The following ZNF536 variants were observed in gnomAD, a reference collection of about 807,000 sequenced individuals.
ZNF536 encodes zinc finger protein 536.
A neutral mutation model predicts 84.5 loss-of-function variants in ZNF536; 13 were observed. That is an observed-to-expected ratio of 0.15 (90% CI 0.10 to 0.24). The LOEUF (loss-of-function observed/expected upper bound fraction) is 0.24, where lower values mean the gene tolerates loss of function less well. ZNF536 is among the 10% of genes least tolerant of loss of function. The pLI is 1.00. For synonymous variants in ZNF536, 811 were observed against 742.5 expected, an observed-to-expected ratio of 1.09 and a Z score of -1.50; for missense variants, 1,536 against 1,747.5, an observed-to-expected ratio of 0.88 and a Z score of 2.16.
chr19:30,441,660 C>T (rs1432703107), intron 1 of ZNF536, among the ~76,000 whole-genome samples: 1 of 152,170 alleles, frequency 6.6e-6, no homozygotes, highest in Non-Finnish European at 1.5e-5. Flanking sequence ...TGAGTGTAGA[C>T]TGCCCCCAGA....
In ZNF536 at chr19:30,646,356, G is replaced by A. The variant is rs550964616; in HGVS notation, c.170-64401G>A. Reference sequence around the variant, plus strand: ...TCTGGGGAAAGAAGCTTGAGCCTGCGCACACATGTTCACGACTGTGTGTAC... The same window carrying A: ...TCTGGGGAAAGAAGCTTGAGCCTGCACACACATGTTCACGACTGTGTGTAC... On this transcript the variant is annotated intron_variant, in intron 1 of 1. Coordinates refer to the ZNF536 transcript ENST00000592773. Among the ~76,000 whole-genome samples, 11 of 152,296 alleles carry A rather than the reference G, an allele frequency of 7.2e-5. No individual in the cohort carries two copies. The South Asian group carries it at 1.9e-3, about 26-fold the overall frequency.
chr19:30,679,844 G>C (rs1293289526), intron 1 of ZNF536, among the ~76,000 whole-genome samples: 1 of 152,228 alleles, frequency 6.6e-6, no homozygotes. Context: ...CCTGTTTTGC[G>C]GGGAGAGGGG....
intron 1 of ZNF536, among the ~76,000 whole-genome samples, chr19:30,564,874 A>T (rs926494304): frequency 6.6e-6 from 1 of 152,070 alleles, no homozygotes; most frequent in African/African-American, 2.4e-5. Flanking sequence ...AAACGGGGAG[A>T]TGCTCCACTC....
chr19:30,544,857 C>T (rs2045480284), intron 3 of ZNF536, among the ~76,000 whole-genome samples: 1 of 152,172 alleles, frequency 6.6e-6, no homozygotes, highest in Non-Finnish European at 1.5e-5. Context: ...TTCAACATGT[C>T]TTATTACAGG....
intron 1 of ZNF536, among the ~76,000 whole-genome samples, chr19:30,705,451 T>C (rs1265198596): frequency 1.3e-5 from 2 of 152,184 alleles, no homozygotes; most frequent in Admixed American, 1.3e-4. Context: ...TTAATCACAG[T>C]CTTTGTAATA....
chr19:30,592,090 C>T (rs985507111), intron 1 of ZNF536, among the ~76,000 whole-genome samples: 1 of 152,144 alleles, frequency 6.6e-6, no homozygotes, highest in African/African-American at 2.4e-5. Flanking sequence ...GCATATTTAG[C>T]AATATTATTA....
downstream of ZNF536, among the ~76,000 whole-genome samples, chr19:30,561,521 G>A (rs2046165297): frequency 6.6e-6 from 1 of 152,192 alleles, no homozygotes; most frequent in Non-Finnish European, 1.5e-5. Context: ...CAGTAGATAT[G>A]GGAGGTGACC....
intron 1 of ZNF536, among the ~76,000 whole-genome samples, chr19:30,612,121 G>C (rs1458685363): frequency 6.6e-6 from 1 of 152,170 alleles, no homozygotes; most frequent in Non-Finnish European, 1.5e-5. Context: ...CCAGCTTAAG[G>C]ATTTGGTGCT....
intron 1 of ZNF536, among the ~76,000 whole-genome samples, chr19:30,256,435 C>G (rs1229591585): frequency 6.6e-6 from 1 of 152,128 alleles, no homozygotes; most frequent in Non-Finnish European, 1.5e-5. Flanking sequence ...GCAGAAATGC[C>G]CTTTCTTCAT....
At chr19:30,616,218 C>T (rs1221942355) in intron 1 of ZNF536, among the ~76,000 whole-genome samples, 2 of 152,126 alleles carry the variant, frequency 1.3e-5, no homozygotes, top group Admixed American at 6.6e-5. Flanking sequence ...GAGAGAAATG[C>T]GCAGTAAGAG....
intron 1 of ZNF536, among the ~76,000 whole-genome samples, chr19:30,607,210 A>T (rs573011892): frequency 2.0e-5 from 3 of 152,294 alleles, no homozygotes; most frequent in African/African-American, 7.2e-5. Context: ...CACCTTGTTT[A>T]TGGCTGAGTG....
chr19:30,419,995 G>A lies in ZNF536; in HGVS notation c.-2-23566G>A, dbSNP rs115009639. On this transcript the variant is annotated intron_variant, in intron 1 of 4. Coordinates refer to ENST00000355537, the MANE Select transcript of ZNF536 (RefSeq NM_014717.3). Reference sequence around the variant, plus strand: ...AGATTGTGGTGGCCGGTCCTGGGATGAGTCATGACCCAGTGCTTGCAGGAG... The same window carrying A: ...AGATTGTGGTGGCCGGTCCTGGGATAAGTCATGACCCAGTGCTTGCAGGAG... Among the ~76,000 whole-genome samples, 933 of 152,300 alleles carry A rather than the reference G, an allele frequency of 6.1e-3. 10 individuals are homozygous for A. The highest frequency in any genetic ancestry group is 0.021 in the African/African-American group (883 of 41,564).
intron 2 of ZNF536, among the ~76,000 whole-genome samples, chr19:30,334,005 C>A (rs2047300472): frequency 6.6e-6 from 1 of 152,184 alleles, no homozygotes; most frequent in South Asian, 2.1e-4. Context: ...CCAAACCACC[C>A]TTCAGGTTGA....
chr19:30,612,742 G>T (rs2048145285), intron 1 of ZNF536, among the ~76,000 whole-genome samples: 1 of 152,074 alleles, frequency 6.6e-6, no homozygotes. Flanking sequence ...CTTTGCCTAG[G>T]TTCCCTAAAT....
At chr19:30,325,098 T>C (rs971472058) in intron 2 of ZNF536, among the ~76,000 whole-genome samples, 3 of 152,194 alleles carry the variant, frequency 2.0e-5, no homozygotes, top group African/African-American at 7.2e-5. Context: ...GGTTCATGTC[T>C]TCCTCATGCC....
At chr19:30,248,873 C>G (rs938124549) in intron 1 of ZNF536, among the ~76,000 whole-genome samples, 2 of 152,148 alleles carry the variant, frequency 1.3e-5, no homozygotes, top group Non-Finnish European at 1.5e-5. Flanking sequence ...ACCCCTCCCC[C>G]AGAAGTTGGG....
At position 30,232,048 on chromosome 19, in the gene ZNF536, A is replaced by T. The variant is rs369854595; in HGVS notation, c.-190+3375A>T. ...AGGAAACACAGTCCAGTTTTCTGAA[A>T]TCCCCCTCACTTTTTTTTTTTCCCA... is the stretch of plus-strand genomic sequence containing the variant. On this transcript the variant is annotated intron_variant, in intron 1 of 5. Coordinates refer to the ZNF536 transcript ENST00000585628. Among the ~76,000 whole-genome samples the T allele has an allele frequency of 9.2e-5, 14 of 151,760 alleles. No individual in the cohort carries two copies. In the East Asian group the frequency reaches 2.7e-3, roughly 29 times the overall value.
chr19:30,519,363 G>A (rs921457784), intron 2 of ZNF536, among the ~76,000 whole-genome samples: 9 of 152,216 alleles, frequency 5.9e-5, no homozygotes, highest in Admixed American at 5.2e-4. Context: ...ACAGCACCTT[G>A]GGGCAGGTGA....
chr19:30,695,471 G>A (rs1310452862), intron 1 of ZNF536, among the ~76,000 whole-genome samples: 1 of 152,204 alleles, frequency 6.6e-6, no homozygotes, highest in African/African-American at 2.4e-5. Flanking sequence ...GATAAGTGGA[G>A]CTCTGCAGAC....
Sources: gnomAD v4.1 joint callset for allele counts (sites outside exome capture counted in the v4.1 genomes callset) on GRCh38, gnomAD v4.1.1 for gene constraint, MANE v1.5 for transcripts, NCBI Gene and HGNC (gene_info 2026-07-23, HGNC 2026-07-21) for gene names.